Variants in EMILIN2 observed in about 807,000 individuals in gnomAD.
EMILIN2 encodes the protein elastin microfibril interfacer 2, also known as EMILIN-2.
In EMILIN2, 71 loss-of-function variants were observed where a neutral mutation model predicts 87.1. The ratio of observed to expected loss-of-function variants is 0.82; its 90% CI spans 0.67 to 0.99. The LOEUF (loss-of-function observed/expected upper bound fraction) is 0.99, where lower values mean the gene tolerates loss of function less well. EMILIN2 is among the 50% of genes least tolerant of loss of function. EMILIN2 has a pLI of 0.00. For missense variants in EMILIN2, 1,407 were observed against 1,371.8 expected (o/e 1.03, Z -0.40); for synonymous variants, 581 against 563.4 (o/e 1.03, Z -0.44).
chr18:2,913,431 G>A lies in EMILIN2; in HGVS notation c.*27G>A, dbSNP rs773920256. ...GTGGCTGGGGAGATGTCAGGGGAAA[G>A]ATAGATAGTTGTAAAAACTCTAAAG... On this transcript the variant is annotated 3_prime_UTR_variant, in exon 8 of 8. Coordinates refer to ENST00000254528, the MANE Select transcript of EMILIN2 (RefSeq NM_032048.3). 3 of 1,510,344 alleles carry A rather than the reference G, an allele frequency of 2.0e-6. No homozygotes were observed. The highest frequency in any genetic ancestry group is 2.5e-5 in the South Asian group (2 of 78,758). The allele number at this position is 1,510,344 out of a possible 1,614,324, so 93.6% of individuals were successfully genotyped here. A position where few individuals can be genotyped will look rare whatever the true frequency, so the allele number is the denominator to read the frequency against.
At chr18:2,892,994 G>A (rs2076846689) in intron 4 of EMILIN2, among the ~76,000 whole-genome samples, 1 of 152,008 alleles carries the variant, frequency 6.6e-6, no homozygotes. Flanking sequence ...AGAGGTTAAG[G>A]TGAGCCGAGA....
intron 2 of EMILIN2, among the ~76,000 whole-genome samples, chr18:2,873,719 TA>T (rs1483268348): frequency 6.6e-6 from 1 of 151,862 alleles, no homozygotes; most frequent in African/African-American, 2.4e-5. Flanking sequence ...AATAAATAAA[TA>T]AATAAATAAA....
chr18:2,856,529 G>A (rs775525735), intron 2 of EMILIN2, among the ~76,000 whole-genome samples: 11 of 152,104 alleles, frequency 7.2e-5, no homozygotes, highest in Admixed American at 1.3e-4. Context: ...CCTCTTCCTC[G>A]TGTGCCTAAT....
intron 4 of EMILIN2, among the ~76,000 whole-genome samples, chr18:2,899,566 A>C (rs968949828): frequency 6.6e-6 from 1 of 151,722 alleles, no homozygotes; most frequent in Non-Finnish European, 1.5e-5. Flanking sequence ...GTGCAGTGGC[A>C]CAATCTCGGC....
chr18:2,906,546 G>C (rs1006448768), intron 4 of EMILIN2: 2 of 360,236 alleles, frequency 5.6e-6, no homozygotes, highest in African/African-American at 4.2e-5. Context: ...CTGCGCCGGA[G>C]AGGCTGGAAA....
chr18:2,892,282 A>C lies in EMILIN2; in HGVS notation c.2155A>C (p.Ile719Leu), dbSNP rs1241387339. ...MEKTCSKLDS[I>L]SGNLQRIKEG... The stretch of plus-strand genomic sequence containing the variant: ...GAAAACTTGCAGCAAGCTGGACTCT[A>C]TCTCAGGAAATCTTCAGAGGATCAA... Residue 719 changes from isoleucine (I) to leucine (L), a missense_variant, in exon 4 of 8, where the codon ATC becomes CTC. By Grantham distance (5) the Ile-to-Leu change is conservative. Transcript: ENST00000254528. The C allele has an allele frequency of 2.5e-6, 4 of 1,614,212 alleles. No homozygotes were observed. The highest frequency in any genetic ancestry group is 4.5e-5 in the East Asian group (2 of 44,890).
chr18:2,915,948 T>C lies in EMILIN2; in HGVS notation c.*2544T>C, dbSNP rs577786478. On this transcript the variant is annotated 3_prime_UTR_variant, in exon 8 of 8. Coordinates refer to ENST00000254528, the MANE Select transcript of EMILIN2 (RefSeq NM_032048.3). ...CTAACAAATGGCCTCATTTACACGA[T>C]TAAAAACAAAATGGTATCGTCAATA... The C allele has an allele frequency of 1.3e-5, 2 of 152,336 alleles. No individual in the cohort carries two copies. Among genetic ancestry groups the C allele is most frequent in the South Asian group, 2.1e-4 (1 of 4,830 alleles). 9.4% of individuals were successfully genotyped at this position (152,336 alleles called of 1,614,324 possible).
chr18:2,872,873 A>G (rs1489165759), intron 2 of EMILIN2, among the ~76,000 whole-genome samples: 3 of 152,200 alleles, frequency 2.0e-5, no homozygotes, highest in African/African-American at 4.8e-5. Context: ...TGAGAATACC[A>G]TGTCTGGTTT....
chr18:2,861,152 G>A (rs1449223744), intron 2 of EMILIN2, among the ~76,000 whole-genome samples: 1 of 152,144 alleles, frequency 6.6e-6, no homozygotes, highest in Non-Finnish European at 1.5e-5. Context: ...CAGATGAGTA[G>A]ATTGCAAAAA....
At chr18:2,883,508 G>A (rs534630055) in intron 2 of EMILIN2, among the ~76,000 whole-genome samples, 190 of 152,342 alleles carry the variant, frequency 1.2e-3, no homozygotes, top group Non-Finnish European at 2.1e-3. Context: ...TGCAAGGCAG[G>A]AAATCACAAT....
chr18:2,885,784 C>T (rs1221382151), intron 3 of EMILIN2, among the ~76,000 whole-genome samples: 1 of 152,184 alleles, frequency 6.6e-6, no homozygotes, highest in South Asian at 2.1e-4. Context: ...TCCCAAAGTG[C>T]TGGGATTACA....
Position 2,913,659 on chromosome 18 carries a change from C to A in EMILIN2, c.*255C>A. On this transcript the variant is annotated 3_prime_UTR_variant, in exon 8 of 8. Coordinates refer to ENST00000254528, the MANE Select transcript of EMILIN2 (RefSeq NM_032048.3). ...ACAACTGGAAGACTTGGAAAGGCCTCCACCTGTATCTACACTCTGAGGGCC... is the reference window on the plus strand; with the variant it reads ...ACAACTGGAAGACTTGGAAAGGCCTACACCTGTATCTACACTCTGAGGGCC... 2.2e-6 allele frequency: 1 copy of A among 465,090 alleles called. No homozygotes were observed. Among genetic ancestry groups the A allele is most frequent in the Non-Finnish European group, 3.8e-6 (1 of 260,924 alleles). The allele number at this position is 465,090 out of a possible 1,614,324, so 28.8% of individuals were successfully genotyped here.
In EMILIN2 at chr18:2,906,944, T is replaced by C; in HGVS notation, c.2521T>C (p.Ser841Pro). The C allele has an allele frequency of 7.2e-7, 1 of 1,397,336 alleles. No individual in the cohort carries two copies. The highest frequency in any genetic ancestry group is 2.7e-5 in the Admixed American group (1 of 37,276). The allele number at this position is 1,397,336 out of a possible 1,614,324, so 86.6% of individuals were successfully genotyped here. ...GGAGAGGCCGCCCCAGCCGCCAGGC[T>C]CCACCGGGGTCATCGCGGAGACGGG... ...PEERPPQPPG[S>P]TGVIAETGQA... Residue 841 changes from serine (S) to proline (P), a missense_variant, in exon 5 of 8, where the codon TCC becomes CCC. Coordinates refer to ENST00000254528, the MANE Select transcript of EMILIN2 (RefSeq NM_032048.3).
chr18:2,868,207 C>A (rs1237101871), intron 2 of EMILIN2, among the ~76,000 whole-genome samples: 1 of 151,814 alleles, frequency 6.6e-6, no homozygotes, highest in Non-Finnish European at 1.5e-5. Flanking sequence ...GATGGGGCGG[C>A]GGGGCAGAGG....
rs1042392594 is a variant in EMILIN2, at chr18:2,915,427, A to G, written c.*2023A>G. 1.3e-5 allele frequency: 2 copies of G among 152,210 alleles called. No individual in the cohort carries two copies. Among genetic ancestry groups the G allele is most frequent in the Non-Finnish European group, 2.9e-5 (2 of 68,066 alleles). The allele number at this position is 152,210 out of a possible 1,614,324, so 9.4% of individuals were successfully genotyped here. On this transcript the variant is annotated 3_prime_UTR_variant, in exon 8 of 8. Transcript: ENST00000254528. Reference sequence around the variant, plus strand: ...CTGAGCTTAAGGCTGTGGGGTTCGAAGCAGCCCTTCAAGAAGTCATCACCC... The same window carrying G: ...CTGAGCTTAAGGCTGTGGGGTTCGAGGCAGCCCTTCAAGAAGTCATCACCC...
At position 2,880,253 on chromosome 18, in the gene EMILIN2, C is replaced by T. The variant is rs764435837; in HGVS notation, c.258-4711C>T. On this transcript the variant is annotated intron_variant, in intron 2 of 7. Transcript: ENST00000254528. The surrounding 1 kb of genome is among the most constrained non-coding windows in gnomAD (Gnocchi z 4.1). ...CACTTCCAGTCATATGGTCCCTGGA[C>T]GCTGACACAACTTTTCCAGGACTTT... is the stretch of plus-strand genomic sequence containing the variant. 4.6e-5 allele frequency among the ~76,000 whole-genome samples: 7 copies of T among 152,154 alleles called. No individual in the cohort carries two copies. Among genetic ancestry groups the T allele is most frequent in the Middle Eastern group, 3.4e-3 (1 of 294 alleles).
At position 2,913,459 on chromosome 18, in the gene EMILIN2, T is replaced by C; in HGVS notation, c.*55T>C. 7.1e-7 allele frequency: 1 copy of C among 1,405,102 alleles called. No homozygotes were observed. The highest frequency in any genetic ancestry group is 9.7e-7 in the Non-Finnish European group (1 of 1,033,432). The allele number at this position is 1,405,102 out of a possible 1,614,324, so 87.0% of individuals were successfully genotyped here. A position where few individuals can be genotyped will look rare whatever the true frequency, so the allele number is the denominator to read the frequency against. On this transcript the variant is annotated 3_prime_UTR_variant, in exon 8 of 8. Transcript: ENST00000254528. ...AGATAGTTGTAAAAACTCTAAAGCT[T>C]TAATATATTCGGTTTGTATGTAATG...
At position 2,914,958 on chromosome 18, in the gene EMILIN2, A is replaced by G. The variant is rs1016110411; in HGVS notation, c.*1554A>G. 1 of 152,240 alleles carries G rather than the reference A, an allele frequency of 6.6e-6. No homozygotes were observed. The highest frequency in any genetic ancestry group is 6.5e-5 in the Admixed American group (1 of 15,288). The allele number at this position is 152,240 out of a possible 1,614,324, so 9.4% of individuals were successfully genotyped here. A position where few individuals can be genotyped will look rare whatever the true frequency, so the allele number is the denominator to read the frequency against. ...GTCAGAGAGTATCCTTGGCTGTCCT[A>G]GGAATGACTCATGGAAAGCGCCCCA... is the stretch of plus-strand genomic sequence containing the variant. On this transcript the variant is annotated 3_prime_UTR_variant, in exon 8 of 8. Transcript: ENST00000254528.
At chr18:2,856,980 T>C (rs975513927) in intron 2 of EMILIN2, among the ~76,000 whole-genome samples, 1 of 152,182 alleles carries the variant, frequency 6.6e-6, no homozygotes, top group African/African-American at 2.4e-5. Context: ...TGATGAGGGC[T>C]GAAACAAAGT....
Sources: allele counts gnomAD v4.1 joint callset (sites outside exome capture counted in the v4.1 genomes callset), GRCh38; gene constraint gnomAD v4.1.1; non-coding constraint Gnocchi (gnomAD v3.1); transcripts MANE v1.5; gene names NCBI Gene and HGNC (gene_info 2026-07-23, HGNC 2026-07-21).